PHLDB2: variants seen among roughly 807,000 people sequenced by gnomAD.
The protein encoded by PHLDB2 is pleckstrin homology-like domain family B member 2.
Under a neutral mutation model 123.6 loss-of-function variants are expected in PHLDB2, and 71 were observed. The ratio of observed to expected loss-of-function variants is 0.57; its 90% confidence interval spans 0.47 to 0.70. PHLDB2 has a LOEUF of 0.70. PHLDB2 is among the 30% of genes least tolerant of loss of function. The pLI, the probability that PHLDB2 is intolerant of heterozygous loss-of-function variation, is 0.00. For missense variants in PHLDB2, 1,446 were observed against 1,519.5 expected, an observed-to-expected ratio of 0.95 and a Z score of 0.80; for synonymous variants, 547 against 541.6, an observed-to-expected ratio of 1.01 and a Z score of -0.14.
chr3:111,819,535 G>A (rs2062266451), intron 1 of PHLDB2, among the ~76,000 whole-genome samples: 1 of 152,174 alleles, frequency 6.6e-6, no homozygotes, highest in South Asian at 2.1e-4. Flanking sequence ...GTACAGGAGA[G>A]CTTCATTTCA....
intron 1 of PHLDB2, among the ~76,000 whole-genome samples, chr3:111,800,350 A>G (rs2061332622): frequency 6.6e-6 from 1 of 152,212 alleles, no homozygotes; most frequent in South Asian, 2.1e-4. Flanking sequence ...AGACTGGGAA[A>G]TTACATGAAA....
At chr3:111,869,699 CTGTCTCTG>C (rs1005650712) in intron 1 of PHLDB2, among the ~76,000 whole-genome samples, 2 of 68,036 alleles carry the variant, frequency 2.9e-5, no homozygotes, top group Non-Finnish European at 6.9e-5. Flanking sequence ...GCATGTGTGT[CTGTCTCTG>C]TGTGTGTGTG....
In PHLDB2 at chr3:111,823,456, G is replaced by A. The variant is rs567480250; in HGVS notation, c.-48-22365G>A. Reference sequence around the variant, plus strand: ...GAATTGTAGATTCATATTTGTAGATGACAAGTTTTTAAGGAAAACAATGCC... The same window carrying A: ...GAATTGTAGATTCATATTTGTAGATAACAAGTTTTTAAGGAAAACAATGCC... On this transcript the variant is annotated intron_variant, in intron 1 of 17. Coordinates refer to the PHLDB2 transcript ENST00000393923. Among the ~76,000 whole-genome samples, 6 of 152,290 alleles carry A rather than the reference G, an allele frequency of 3.9e-5. No homozygotes were observed. The East Asian group carries it at 9.6e-4, about 24-fold the overall frequency.
chr3:111,913,959 G>A, intron 3 of PHLDB2: 2 of 462,848 alleles, frequency 4.3e-6, no homozygotes, highest in Non-Finnish European at 7.6e-6. Context: ...ACCCTTTCAG[G>A]TTGTACACCT....
intron 2 of PHLDB2, among the ~76,000 whole-genome samples, chr3:111,907,502 T>C (rs1243343579): frequency 6.6e-6 from 1 of 152,098 alleles, no homozygotes; most frequent in Admixed American, 6.5e-5. Context: ...GTTTGTTTGT[T>C]TGTTTGTTTT....
At chr3:111,974,280 G>A (rs927766630) in intron 17 of PHLDB2, 143 bp from the exon 18 acceptor site, 27 of 699,296 alleles carry the variant, frequency 3.9e-5, no homozygotes, top group Non-Finnish European at 2.2e-6. Flanking sequence ...TGGGACAGGT[G>A]TGTGAGTTAT....
intron 2 of PHLDB2, among the ~76,000 whole-genome samples, chr3:111,900,911 T>C (rs7375110): frequency 6.7e-5 from 10 of 149,892 alleles, no homozygotes; most frequent in Non-Finnish European, 3.0e-5. Flanking sequence ...TTTTTTTTTC[T>C]TTTTTATAGA....
chr3:111,750,202 T>C (rs1474808067), intron 1 of PHLDB2, among the ~76,000 whole-genome samples: 1 of 152,208 alleles, frequency 6.6e-6, no homozygotes, highest in Non-Finnish European at 1.5e-5. Flanking sequence ...CAGTAGGATA[T>C]TCATATTTAA....
At chr3:111,898,370 A>G (rs1173452741) in intron 2 of PHLDB2, among the ~76,000 whole-genome samples, 1 of 151,950 alleles carries the variant, frequency 6.6e-6, no homozygotes, top group African/African-American at 2.4e-5. Flanking sequence ...TTTGGTAGAG[A>G]CACGGTTTCA....
chr3:111,908,195 G>T (rs1559897318), intron 2 of PHLDB2, among the ~76,000 whole-genome samples: 1 of 152,132 alleles, frequency 6.6e-6, no homozygotes, highest in Non-Finnish European at 1.5e-5. Context: ...CAAAGACACT[G>T]CAGCTGAGTA....
At chr3:111,848,017 G>A (rs898373661) in intron 2 of PHLDB2, among the ~76,000 whole-genome samples, 3 of 152,204 alleles carry the variant, frequency 2.0e-5, no homozygotes, top group South Asian at 2.1e-4. Flanking sequence ...TGATAATGAT[G>A]TAATGATTAG....
intron 1 of PHLDB2, among the ~76,000 whole-genome samples, chr3:111,838,143 A>G (rs2063502487): frequency 6.6e-6 from 1 of 152,118 alleles, no homozygotes; most frequent in African/African-American, 2.4e-5. Context: ...AGGTACCTGT[A>G]ATTTTATTTT....
chr3:111,962,417 T>C, intron 13 of PHLDB2, 105 bp downstream of exon 13: 4 of 992,290 alleles, frequency 4.0e-6, no homozygotes, highest in Non-Finnish European at 5.9e-6. Context: ...GCCCAAATTT[T>C]TGAGACATAA....
intron 2 of PHLDB2, among the ~76,000 whole-genome samples, chr3:111,886,383 A>G (rs2066163686): frequency 6.6e-6 from 1 of 152,194 alleles, no homozygotes; most frequent in Admixed American, 6.5e-5. Flanking sequence ...CAAGGCCCAC[A>G]ATGGCTTTGA....
intron 1 of PHLDB2, among the ~76,000 whole-genome samples, chr3:111,750,947 CAAAAA>C (rs34859598): frequency 8.5e-6 from 1 of 117,730 alleles, no homozygotes. Flanking sequence ...AACTCTGTCT[CAAAAA>C]AAAAAAAAAA....
At chr3:111,901,163 T>C (rs1322093600) in intron 2 of PHLDB2, among the ~76,000 whole-genome samples, 1 of 151,988 alleles carries the variant, frequency 6.6e-6, no homozygotes, top group Non-Finnish European at 1.5e-5. Flanking sequence ...ATTGAGACCA[T>C]CCTGGCTAAC....
At chr3:111,866,928 GGGGTGTGTGTGTGTGT>G (rs1471150659) in intron 1 of PHLDB2, among the ~76,000 whole-genome samples, 3 of 81,186 alleles carry the variant, frequency 3.7e-5, no homozygotes, top group South Asian at 4.3e-4. Flanking sequence ...AAGTTTCTAA[GGGGTGTGTGTGTGTGT>G]GTGTGTGTGT....
Position 111,853,356 on chromosome 3 carries a change from A to C in PHLDB2, c.67+7421A>C, listed in dbSNP as rs1346633399. 1.7e-4 allele frequency among the ~76,000 whole-genome samples: 26 copies of C among 152,234 alleles called. 1 individual carries two copies. The highest frequency in any genetic ancestry group is 1.7e-3 in the Admixed American group (26 of 15,284). On this transcript the variant is annotated intron_variant, in intron 2 of 17. Coordinates refer to the PHLDB2 transcript ENST00000393923. Reference sequence around the variant, plus strand: ...ATGAAGATGACTTTTCTAAGAAATGAAAGTACATTCATTTTTTAGAGAGAC... The same window carrying C: ...ATGAAGATGACTTTTCTAAGAAATGCAAGTACATTCATTTTTTAGAGAGAC...
At chr3:111,884,028 C>G (rs1383440093) in intron 1 of PHLDB2, 36 bp from the exon 2 acceptor site, 2 of 1,562,952 alleles carry the variant, frequency 1.3e-6, no homozygotes, top group East Asian at 4.5e-5. Context: ...TTAAAATCTT[C>G]TTTAAGGCAA....
Sources: gnomAD v4.1 joint callset for allele counts (sites outside exome capture counted in the v4.1 genomes callset) on GRCh38, gnomAD v4.1.1 for gene constraint, MANE v1.5 for transcripts, NCBI Gene and HGNC (gene_info 2026-07-23, HGNC 2026-07-21) for gene names.